Variants in CTNND2 observed in about 807,000 individuals in gnomAD.
The protein encoded by CTNND2 is catenin delta-2.
In CTNND2, 22 loss-of-function variants were observed where a neutral mutation model predicts 144.4. The ratio of observed to expected loss-of-function variants is 0.15; its 90% CI spans 0.11 to 0.22. CTNND2 has a LOEUF of 0.22. Among genes scored for constraint, CTNND2 ranks in the 10% least tolerant of loss-of-function variants. The pLI is 1.00. For synonymous variants in CTNND2, 751 were observed against 695.6 expected (o/e 1.08, Z -1.25); for missense variants, 1,353 against 1,618.8 (o/e 0.84, Z 2.82).
At chr5:11,785,129 C>T (rs1481992156) in intron 1 of CTNND2, among the ~76,000 whole-genome samples, 1 of 152,138 alleles carries the variant, frequency 6.6e-6, no homozygotes, top group African/African-American at 2.4e-5. Flanking sequence ...ATACCTTATA[C>T]ACAGGCTTTT....
intron 3 of CTNND2, among the ~76,000 whole-genome samples, chr5:11,455,045 C>T (rs1256964342): frequency 2.0e-5 from 3 of 149,004 alleles, no homozygotes; most frequent in African/African-American, 7.4e-5. Context: ...GTTGGAAGTA[C>T]TTAACTTGTT....
At chr5:11,161,433 T>A (rs1250535095) in intron 11 of CTNND2, among the ~76,000 whole-genome samples, 1 of 152,198 alleles carries the variant, frequency 6.6e-6, no homozygotes, top group Non-Finnish European at 1.5e-5. Context: ...TTGGACTGAT[T>A]TGAAATACTA....
At chr5:11,755,497 G>A (rs1015903020) in intron 1 of CTNND2, among the ~76,000 whole-genome samples, 1 of 151,626 alleles carries the variant, frequency 6.6e-6, no homozygotes, top group Non-Finnish European at 1.5e-5. Context: ...CTCTAGCAAG[G>A]CTAGGAAAGT....
At chr5:11,718,255 A>G (rs1330499116) in intron 2 of CTNND2, among the ~76,000 whole-genome samples, 1 of 152,204 alleles carries the variant, frequency 6.6e-6, no homozygotes, top group Non-Finnish European at 1.5e-5. Context: ...CATAATTCAA[A>G]TAGTGGCTAA....
intron 1 of CTNND2, among the ~76,000 whole-genome samples, chr5:11,792,069 A>C (rs953589773): frequency 6.6e-6 from 1 of 152,202 alleles, no homozygotes; most frequent in Admixed American, 6.5e-5. Flanking sequence ...CTGGGAATGA[A>C]ACCAGAATTT....
chr5:11,567,368 A>G (rs2150110625), intron 2 of CTNND2, among the ~76,000 whole-genome samples: 1 of 152,232 alleles, frequency 6.6e-6, no homozygotes, highest in East Asian at 1.9e-4. Flanking sequence ...CAGCTTGGAT[A>G]TCTGGCTTTA....
At chr5:11,888,286 C>T (rs1057137138) in intron 1 of CTNND2, among the ~76,000 whole-genome samples, 1 of 152,172 alleles carries the variant, frequency 6.6e-6, no homozygotes, top group Non-Finnish European at 1.5e-5. Context: ...TACGACTAGG[C>T]TAAAAGACCC....
chr5:11,881,705 GA>G (rs1036663032), intron 1 of CTNND2, among the ~76,000 whole-genome samples: 2 of 151,884 alleles, frequency 1.3e-5, no homozygotes, highest in Non-Finnish European at 2.9e-5. Flanking sequence ...ATAAACATGA[GA>G]ACATAGATAC....
At chr5:11,410,096 A>G (rs1761393281) in intron 5 of CTNND2, among the ~76,000 whole-genome samples, 1 of 152,174 alleles carries the variant, frequency 6.6e-6, no homozygotes. Flanking sequence ...TTACTTGCTA[A>G]TAAGATGAAT....
intron 1 of CTNND2, among the ~76,000 whole-genome samples, chr5:11,889,986 A>G (rs1421382009): frequency 6.6e-6 from 1 of 152,236 alleles, no homozygotes; most frequent in African/African-American, 2.4e-5. Flanking sequence ...CAATTTAAAG[A>G]TAATGAAAAA....
At chr5:11,014,731 C>CT (rs1347560896) in intron 18 of CTNND2, among the ~76,000 whole-genome samples, 2 of 152,146 alleles carry the variant, frequency 1.3e-5, no homozygotes, top group African/African-American at 2.4e-5. Flanking sequence ...AGTAGGTGAG[C>CT]TAATGAAATG....
chr5:11,250,519 A>ATATATATATAT (rs1554012681), intron 9 of CTNND2, among the ~76,000 whole-genome samples: 1 of 83,258 alleles, frequency 1.2e-5, no homozygotes, highest in Non-Finnish European at 2.1e-5. Context: ...ATATACATAT[A>ATATATATATAT]TTTTTTTTTT....
In CTNND2 at chr5:11,385,156, G is replaced by A; in HGVS notation, c.686C>T (p.Pro229Leu). The A allele has an allele frequency of 2.0e-6, 2 of 1,008,862 alleles. No individual in the cohort carries two copies. Among genetic ancestry groups the A allele is most frequent in the Non-Finnish European group, 2.4e-6 (2 of 847,622 alleles). 62.5% of individuals were successfully genotyped at this position (1,008,862 alleles called of 1,614,324 possible). A position where few individuals can be genotyped will look rare whatever the true frequency, so the allele number is the denominator to read the frequency against. Residue 229 changes from proline (P) to leucine (L), a missense_variant, in exon 7 of 22, where the codon CCG (proline) becomes CTG (leucine). Physicochemically the swap from Pro to Leu is moderately conservative, Grantham distance 98. Transcript: ENST00000304623. Reference protein sequence around the residue: ...APPPPPPPREPFAPSLGSAFH... With the variant: ...APPPPPPPRELFAPSLGSAFH... The stretch of plus-strand genomic sequence containing the variant: ...GGCGCTGCCCAGGCTGGGCGCGAAC[G>A]GCTCCCGCGGCGGCGGCGGCGGCGG...
chr5:11,367,096 A>G (rs1012479510), intron 7 of CTNND2, among the ~76,000 whole-genome samples: 1 of 152,252 alleles, frequency 6.6e-6, no homozygotes, highest in Non-Finnish European at 1.5e-5. Flanking sequence ...GAGTAAAACT[A>G]TAAGCTCATA....
chr5:11,613,418 A>G (rs752874523), intron 2 of CTNND2, among the ~76,000 whole-genome samples: 4 of 152,244 alleles, frequency 2.6e-5, no homozygotes, highest in Non-Finnish European at 4.4e-5. Context: ...TGCTTCCTTC[A>G]AAATGATAAG....
intron 3 of CTNND2, among the ~76,000 whole-genome samples, chr5:11,488,820 A>G (rs1171715152): frequency 6.6e-6 from 1 of 152,170 alleles, no homozygotes; most frequent in Admixed American, 6.5e-5. Flanking sequence ...ATACTACATA[A>G]TCTTTTCCAA....
chr5:11,501,576 CTGAA>C (rs1245540644), intron 3 of CTNND2, among the ~76,000 whole-genome samples: 1 of 152,210 alleles, frequency 6.6e-6, no homozygotes, highest in Non-Finnish European at 1.5e-5. Context: ...TTGCAACTGA[CTGAA>C]TGTTTACGTT....
At chr5:11,777,095 A>G (rs1790296461) in intron 1 of CTNND2, among the ~76,000 whole-genome samples, 1 of 152,240 alleles carries the variant, frequency 6.6e-6, no homozygotes, top group Non-Finnish European at 1.5e-5. Flanking sequence ...AAATAATTGT[A>G]TAAGCAAGTT....
chr5:11,875,687 G>A (rs2127060475), intron 1 of CTNND2, among the ~76,000 whole-genome samples: 1 of 152,300 alleles, frequency 6.6e-6, no homozygotes, highest in African/African-American at 2.4e-5. Flanking sequence ...ACCCAACCCT[G>A]CTGGCAGTCT....
Sources: gnomAD v4.1 joint callset for allele counts (sites outside exome capture counted in the v4.1 genomes callset) on GRCh38, gnomAD v4.1.1 for gene constraint, MANE v1.5 for transcripts, NCBI Gene and HGNC (gene_info 2026-07-23, HGNC 2026-07-21) for gene names.